The following TEX22 variants were observed in gnomAD, a reference collection of about 807,000 sequenced individuals.
TEX22 encodes the protein testis-expressed protein 22.
TEX22 carries 16 observed loss-of-function variants against 11.3 expected under a neutral mutation model. The observed-to-expected ratio is 1.42, with a 90% CI of 0.96 to 2.15. The LOEUF is 2.15. TEX22 is among the 30% of genes most tolerant of loss of function. The probability of loss-of-function intolerance (pLI) is 0.00; values close to 1 mark genes in which losing one functional copy is unlikely to be tolerated. For synonymous variants in TEX22, 97 were observed against 92.3 expected (o/e 1.05, Z -0.29); for missense variants, 220 against 208.6 (o/e 1.05, Z -0.34).
rs2081690999 is a variant in TEX22, at chr14:105,411,506, G to A, written c.279+10G>A. On this transcript the variant is annotated intron_variant, in intron 3 of 3. Transcript: ENST00000451127. ...CCAGCTGCACTGCAGGGTGCGCGGG[G>A]GGCGGGTCCTCCCCGCCCCGTCCCC... 8.2e-7 allele frequency: 1 copy of A among 1,225,762 alleles called. No individual in the cohort carries two copies. Among genetic ancestry groups the A allele is most frequent in the East Asian group, 3.5e-5 (1 of 28,576 alleles). 75.9% of individuals were successfully genotyped at this position (1,225,762 alleles called of 1,614,324 possible).
intron 2 of TEX22, among the ~76,000 whole-genome samples, chr14:105,407,364 G>A (rs971608198): frequency 6.6e-6 from 1 of 151,056 alleles, no homozygotes; most frequent in South Asian, 2.1e-4. Flanking sequence ...CACCATGCCC[G>A]GCCAGTTTCT....
chr14:105,410,487 T>C (rs75594484), intron 2 of TEX22, among the ~76,000 whole-genome samples: 7,687 of 152,330 alleles, frequency 0.05, 697 homozygotes, highest in African/African-American at 0.17. Flanking sequence ...TTTTCGCTAT[T>C]GTGAATAATG....
chr14:105,409,785 C>CT (rs60924867), intron 2 of TEX22, among the ~76,000 whole-genome samples: 7,497 of 128,008 alleles, frequency 0.059, 647 homozygotes, highest in African/African-American at 0.19. Flanking sequence ...TTCTCTCTCT[C>CT]TTTTTTTTTT....
At chr14:105,403,557 G>A (rs1278325740) in intron 2 of TEX22, among the ~76,000 whole-genome samples, 2 of 152,090 alleles carry the variant, frequency 1.3e-5, no homozygotes, top group African/African-American at 2.4e-5. Flanking sequence ...CAAGTAGCTG[G>A]GACCACAGTG....
intron 2 of TEX22, among the ~76,000 whole-genome samples, chr14:105,402,712 C>A (rs587700095): frequency 2.0e-5 from 3 of 148,874 alleles, no homozygotes; most frequent in East Asian, 4.0e-4. Flanking sequence ...GACGAGATTG[C>A]GCTACTGCAC....
Position 105,413,459 on chromosome 14 carries a change from G to A in TEX22, c.*1626G>A, listed in dbSNP as rs1011970120. On this transcript the variant is annotated 3_prime_UTR_variant, in exon 4 of 4. Coordinates refer to ENST00000451127, the MANE Select transcript of TEX22 (RefSeq NM_001195082.2). The surrounding 1 kb of genome is among the most constrained non-coding windows in gnomAD (Gnocchi z 4.2). ...GAGTGGCTTTAAAGAACCACTCGTT[G>A]TTCTGTGACTTGGGGGTTGGCTGGG... The A allele has an allele frequency of 2.3e-4, 35 of 152,084 alleles. No individual in the cohort carries two copies. Among genetic ancestry groups the A allele is most frequent in the African/African-American group, 8.2e-4 (34 of 41,540 alleles). The allele number at this position is 152,084 out of a possible 1,614,324, so 9.4% of individuals were successfully genotyped here.
chr14:105,411,518 C>T, intron 3 of TEX22, 22 bp downstream of exon 3: 3 of 1,125,682 alleles, frequency 2.7e-6, no homozygotes, highest in Non-Finnish European at 3.3e-6. Flanking sequence ...GCGGGTCCTC[C>T]CCGCCCCGTC....
chr14:105,404,075 T>A (rs2081646511), intron 2 of TEX22, among the ~76,000 whole-genome samples: 1 of 152,240 alleles, frequency 6.6e-6, no homozygotes, highest in Non-Finnish European at 1.5e-5. Flanking sequence ...TGGGAGCTGC[T>A]TAGCTGGTGG....
intron 2 of TEX22, 72 bp from the exon 3 acceptor site, chr14:105,411,296 C>T: frequency 2.4e-6 from 3 of 1,225,392 alleles, no homozygotes; most frequent in South Asian, 5.3e-5. Context: ...TGAGGGTCGG[C>T]GGGTGCTGGG....
At chr14:105,401,425 C>T (rs2081625717) in intron 2 of TEX22, among the ~76,000 whole-genome samples, 1 of 151,990 alleles carries the variant, frequency 6.6e-6, no homozygotes, top group Admixed American at 6.5e-5. Context: ...AGTTCATGTC[C>T]TTTGTAGGGA....
chr14:105,401,515 AGGTG>A (rs1161561753), intron 2 of TEX22, among the ~76,000 whole-genome samples: 5 of 140,358 alleles, frequency 3.6e-5, no homozygotes, highest in African/African-American at 1.3e-4. Context: ...TCTCACTCAT[AGGTG>A]GGAATTGAAC....
chr14:105,411,968 A>ACCTGGCTCCGG lies in TEX22; in HGVS notation c.*136_*146dup. On this transcript the variant is annotated 3_prime_UTR_variant, in exon 4 of 4. Transcript: ENST00000451127. ...ATGTTAGGAAAACAGGCCAGGCAGG[A>ACCTGGCTCCGG]CCTGGCTCCGGACAGCCTGCAGCTG... 1 of 919,132 alleles carries ACCTGGCTCCGG rather than the reference A, an allele frequency of 1.1e-6. No individual in the cohort carries two copies. Among genetic ancestry groups the ACCTGGCTCCGG allele is most frequent in the Non-Finnish European group, 1.5e-6 (1 of 654,564 alleles). The allele number at this position is 919,132 out of a possible 1,614,324, so 56.9% of individuals were successfully genotyped here.
At chr14:105,403,891 C>T (rs1160641790) in intron 2 of TEX22, among the ~76,000 whole-genome samples, 1 of 152,210 alleles carries the variant, frequency 6.6e-6, no homozygotes, top group Non-Finnish European at 1.5e-5. Context: ...CACTATGTTA[C>T]CTAGGCTGGT....
chr14:105,407,288 G>A (rs2141360366), intron 2 of TEX22, among the ~76,000 whole-genome samples: 1 of 151,990 alleles, frequency 6.6e-6, no homozygotes, highest in South Asian at 2.1e-4. Flanking sequence ...GGCTGGTCTC[G>A]AACTCCTGAG....
intron 2 of TEX22, among the ~76,000 whole-genome samples, chr14:105,410,424 G>T (rs925746887): frequency 1.3e-5 from 2 of 152,150 alleles, no homozygotes; most frequent in Admixed American, 6.5e-5. Flanking sequence ...TTCTGGATCT[G>T]CCACATTTTC....
chr14:105,405,851 A>G (rs782611124), intron 2 of TEX22, among the ~76,000 whole-genome samples: 8 of 152,266 alleles, frequency 5.3e-5, no homozygotes, highest in Non-Finnish European at 1.0e-4. Context: ...AAGGAACCAT[A>G]CAACAATTTT....
At chr14:105,404,314 T>TTC (rs1555418710) in intron 2 of TEX22, among the ~76,000 whole-genome samples, 28 of 152,188 alleles carry the variant, frequency 1.8e-4, no homozygotes, top group African/African-American at 6.5e-4. Flanking sequence ...AGTGAGTGAG[T>TTC]GGAGAGAGTG....
intron 2 of TEX22, among the ~76,000 whole-genome samples, chr14:105,406,677 TAAA>T (rs782639591): frequency 1.5e-5 from 2 of 129,362 alleles, no homozygotes. Context: ...TTGCAGTTCC[TAAA>T]AAAAAAAAAA....
chr14:105,402,589 C>G (rs587689077), intron 2 of TEX22, among the ~76,000 whole-genome samples: 2 of 151,408 alleles, frequency 1.3e-5, no homozygotes, highest in South Asian at 4.2e-4. Flanking sequence ...CCCGTCTCTA[C>G]TAAAAAATAC....
Sources: allele counts gnomAD v4.1 joint callset (sites outside exome capture counted in the v4.1 genomes callset), GRCh38; gene constraint gnomAD v4.1.1; non-coding constraint Gnocchi (gnomAD v3.1); transcripts MANE v1.5; gene names NCBI Gene and HGNC (gene_info 2026-07-23, HGNC 2026-07-21).